The following ABCC10 variants were observed in gnomAD, a reference collection of about 807,000 sequenced individuals.
ABCC10 encodes the protein ATP binding cassette subfamily C member 10, also known as ATP-binding cassette sub-family C member 10.
ABCC10 carries 110 observed loss-of-function variants against 143.2 expected under a neutral mutation model. That is an observed-to-expected ratio of 0.77 (90% CI 0.66 to 0.90). The LOEUF is 0.90. ABCC10 is among the 40% of genes least tolerant of loss of function. ABCC10 has a pLI of 0.00. For missense variants in ABCC10, 1,700 were observed against 1,900.5 expected (o/e 0.89, Z 1.96); for synonymous variants, 805 against 846.7 (o/e 0.95, Z 0.85).
In ABCC10 at chr6:43,438,244, A is replaced by G. The variant is rs185254678; in HGVS notation, c.1955+231A>G. ...CTATAATAGTCAGCAAAGGAATGGAAACATCCAGTGTCAGCTATTCTTTCA... is the reference window on the plus strand; with the variant it reads ...CTATAATAGTCAGCAAAGGAATGGAGACATCCAGTGTCAGCTATTCTTTCA... On this transcript the variant is annotated intron_variant, in intron 7 of 21. Coordinates refer to ENST00000372530, the MANE Select transcript of ABCC10 (RefSeq NM_001198934.2). The G allele has an allele frequency of 5.5e-5, 56 of 1,026,894 alleles. 2 individuals carry two copies. In the Admixed American group the frequency reaches 1.3e-3, roughly 23 times the overall value. 63.6% of individuals were successfully genotyped at this position (1,026,894 alleles called of 1,614,324 possible).
At chr6:43,441,337 A>G (rs542466780) in intron 8 of ABCC10, among the ~76,000 whole-genome samples, 32 of 150,380 alleles carry the variant, frequency 2.1e-4, no homozygotes, top group South Asian at 1.7e-3. Flanking sequence ...TTAGCTGGGC[A>G]TGGTGGCACA....
rs45480693 is a variant in ABCC10, at chr6:43,432,762, G to T, written c.782G>T (p.Arg261Leu). 2 of 1,614,042 alleles carry T rather than the reference G, an allele frequency of 1.2e-6. No homozygotes were observed. The highest frequency in any genetic ancestry group is 1.7e-6 in the Non-Finnish European group (2 of 1,180,032). The change falls in exon 3 of 22, where the codon CGT becomes CTT. Residue 261 changes from arginine to leucine, a missense_variant. By Grantham distance (102) the Arg-to-Leu change is moderately radical. Transcript: ENST00000372530. ...AGACTGCAGCCAACCTACCTGGCTC[G>T]TGTCTTCCAGGCACACTGGCAGGAG... ...PHRLQPTYLA[R>L]VFQAHWQEGA... is the part of the protein sequence containing the mutation.
At position 43,447,944 on chromosome 6, in the gene ABCC10, GGGAGAT is replaced by G. The variant is rs1280111961; in HGVS notation, c.3959+11_3959+16del. 6.2e-7 allele frequency: 1 copy of G among 1,612,242 alleles called. No individual in the cohort carries two copies. Among genetic ancestry groups the G allele is most frequent in the South Asian group, 1.1e-5 (1 of 91,072 alleles). On this transcript the variant is annotated splice_region_variant and intron_variant, in intron 18 of 21. Transcript: ENST00000372530. Reference sequence around the variant, plus strand: ...TGGAGCTGGCCCAGCTCAGGTCTGGGGGAGATGGACTTGGGAGGGGAAGGGGGAACC... The same window carrying G: ...TGGAGCTGGCCCAGCTCAGGTCTGGGGGACTTGGGAGGGGAAGGGGGAACC...
rs1166605093 is a variant in ABCC10, at chr6:43,435,839, T to G, written c.1697T>G (p.Val566Gly). 2 of 1,614,208 alleles carry G rather than the reference T, an allele frequency of 1.2e-6. No homozygotes were observed. Among genetic ancestry groups the G allele is most frequent in the East Asian group, 2.2e-5 (1 of 44,882 alleles). Residue 566 changes from valine (V) to glycine (G), a missense_variant, in exon 5 of 22, where the codon GTG becomes GGG. Transcript: ENST00000372530. The stretch of plus-strand genomic sequence containing the variant: ...ATCAATGGTCTCCTGGAGGCCAAAG[T>G]GTCCTTGGACCGGATCCAGCTTTTC... ...WVINGLLEAKVSLDRIQLFLD... is the reference protein window; with the variant it reads ...WVINGLLEAKGSLDRIQLFLD...
intron 16 of ABCC10, 174 bp from the exon 17 acceptor site, chr6:43,447,074 C>G (rs1205099531): frequency 2.2e-6 from 2 of 921,904 alleles, no homozygotes; most frequent in East Asian, 5.7e-5. Context: ...TCTCAAACTC[C>G]TGACCTCGTG....
rs1782678543 is a variant in ABCC10, at chr6:43,443,239, C to T, written c.2416+80C>T. 1 of 1,376,640 alleles carries T rather than the reference C, an allele frequency of 7.3e-7. No homozygotes were observed. The highest frequency in any genetic ancestry group is 2.5e-5 in the East Asian group (1 of 39,798). 85.3% of individuals were successfully genotyped at this position (1,376,640 alleles called of 1,614,324 possible). On this transcript the variant is annotated intron_variant, in intron 10 of 21. Coordinates refer to ENST00000372530, the MANE Select transcript of ABCC10 (RefSeq NM_001198934.2). This position sits in a 1 kb window ranked among gnomAD's most constrained non-coding sequence, Gnocchi z 4.2. ...GATTGTGAAGTACAGACTCTGCCCC[C>T]TGCTGCATGTGTGCCCTGAGCCAGT...
At position 43,445,237 on chromosome 6, in the gene ABCC10, C is replaced by T. The variant is rs144273435; in HGVS notation, c.2953C>T (p.Arg985Trp). 33 of 1,613,950 alleles carry T rather than the reference C, an allele frequency of 2.0e-5. No individual in the cohort carries two copies. Among genetic ancestry groups the T allele is most frequent in the East Asian group, 2.0e-4 (9 of 44,880 alleles). ...TGTAAATTCCCTCTGCACCCTTCTC[C>T]GGGCAGTGCTCTTTGCAGCAGGCAC... is the stretch of plus-strand genomic sequence containing the variant. Reference protein sequence around the residue: ...AGVNSLCTLLRAVLFAAGTLQ... With the variant: ...AGVNSLCTLLWAVLFAAGTLQ... The change falls in exon 14 of 22, where the codon CGG becomes TGG. Residue 985 changes from arginine to tryptophan, a missense_variant. By Grantham distance (101) the Arg-to-Trp change is moderately radical. Transcript: ENST00000372530.
At chr6:43,431,337 T>G (rs1781097183) in intron 2 of ABCC10, among the ~76,000 whole-genome samples, 1 of 151,334 alleles carries the variant, frequency 6.6e-6, no homozygotes, top group Non-Finnish European at 1.5e-5. Context: ...GTACCCTTTA[T>G]CAGTTATCTG....
Position 43,432,896 on chromosome 6 carries a change from C to T in ABCC10, c.916C>T (p.Leu306Phe), listed in dbSNP as rs144342445. 3 of 1,614,070 alleles carry T rather than the reference C, an allele frequency of 1.9e-6. No homozygotes were observed. Among genetic ancestry groups the T allele is most frequent in the African/African-American group, 1.3e-5 (1 of 74,918 alleles). ...GTTGGGATTCTCAGGGCCCCTGTTG[C>T]TCTCCCTACTGGTGGGCTTCCTGGA... The part of the protein sequence containing the change: ...TMLGFSGPLL[L>F]SLLVGFLEEG... The change falls in exon 3 of 22, where the codon CTC (leucine) becomes TTC (phenylalanine). Residue 306 changes from leucine to phenylalanine, a missense_variant. Coordinates refer to ENST00000372530, the MANE Select transcript of ABCC10 (RefSeq NM_001198934.2).
At chr6:43,431,915 G>GT (rs1349190123) in intron 2 of ABCC10, 1 of 1,384,362 alleles carries the variant, frequency 7.2e-7, no homozygotes, top group African/African-American at 1.5e-5. Context: ...AATGAGTTAG[G>GT]TTCAGGTGGC....
chr6:43,431,229 T>C (rs1781087591), intron 2 of ABCC10, among the ~76,000 whole-genome samples: 2 of 152,340 alleles, frequency 1.3e-5, no homozygotes, highest in Admixed American at 6.5e-5. Context: ...CATATTAGAA[T>C]ATAAAAGCTG....
intron 3 of ABCC10, 55 bp downstream of exon 3, chr6:43,433,415 C>T: frequency 6.5e-7 from 1 of 1,528,030 alleles, no homozygotes; most frequent in South Asian, 1.3e-5. Context: ...CAGCCCAGGT[C>T]CCCAGGTCTT....
intron 8 of ABCC10, 29 bp downstream of exon 8, chr6:43,438,824 C>A (rs1486119692): frequency 1.2e-6 from 2 of 1,610,304 alleles, no homozygotes; most frequent in Non-Finnish European, 1.7e-6. Flanking sequence ...AACCTCTTAG[C>A]TGCCTGTTTC....
intron 1 of ABCC10, 21 bp from the exon 2 acceptor site, chr6:43,427,947 C>T (rs761035277): frequency 3.7e-6 from 6 of 1,611,432 alleles, no homozygotes; most frequent in Non-Finnish European, 5.1e-6. Context: ...GCACAGCCGT[C>T]ACCCTCAACT....
intron 3 of ABCC10, 129 bp downstream of exon 3, chr6:43,433,489 G>A (rs2127385789): frequency 5.7e-6 from 8 of 1,403,338 alleles, no homozygotes; most frequent in Non-Finnish European, 7.4e-6. Flanking sequence ...CTGGAGAAAG[G>A]TAGACCTGGG....
chr6:43,451,118 G>A (rs377583675), downstream of ABCC10: 367 of 1,614,234 alleles, frequency 2.3e-4, 3 homozygotes, highest in South Asian at 3.4e-3. This position sits in a 1 kb window ranked among gnomAD's most constrained non-coding sequence, Gnocchi z 4.4. Context: ...GGTTTATGCC[G>A]TCAAGGCAGG....
At position 43,439,872 on chromosome 6, in the gene ABCC10, G is replaced by A. The variant is rs190642571; in HGVS notation, c.2127+1077G>A. On this transcript the variant is annotated intron_variant, in intron 8 of 21. Transcript: ENST00000372530. ...GCTGGGATTACAGGCGTGAGCCACC[G>A]CGCCTGGCCTACTACCCTGTCTTTT... 6.9e-3 allele frequency among the ~76,000 whole-genome samples: 1,047 copies of A among 152,086 alleles called. 11 individuals carry two copies. The highest frequency in any genetic ancestry group is 0.031 in the Middle Eastern group (9 of 294).
chr6:43,440,918 C>CA (rs10715690), intron 8 of ABCC10, among the ~76,000 whole-genome samples: 78 of 137,468 alleles, frequency 5.7e-4, no homozygotes, highest in East Asian at 4.9e-3. Flanking sequence ...CTCTTCTCTA[C>CA]AAAAAAAAAA....
chr6:43,430,487 C>T (rs941441871), intron 2 of ABCC10, among the ~76,000 whole-genome samples: 1 of 150,886 alleles, frequency 6.6e-6, no homozygotes, highest in Non-Finnish European at 1.5e-5. Context: ...CCCAGCTACT[C>T]GGGAGGCTGA....
Sources: gnomAD v4.1 joint callset for allele counts (sites outside exome capture counted in the v4.1 genomes callset) on GRCh38, gnomAD v4.1.1 for gene constraint, Gnocchi (gnomAD v3.1) non-coding constraint, MANE v1.5 for transcripts, NCBI Gene and HGNC (gene_info 2026-07-23, HGNC 2026-07-21) for gene names.